SETD3: variants seen among roughly 807,000 people sequenced by gnomAD.
SETD3 encodes the protein actin-histidine N-methyltransferase.
In SETD3, 19 loss-of-function variants were observed where a neutral mutation model predicts 63.0. The ratio of observed to expected loss-of-function variants is 0.30; its 90% confidence interval spans 0.21 to 0.44. The LOEUF is 0.44. Among genes scored for constraint, SETD3 ranks in the 20% least tolerant of loss-of-function variants. The probability of loss-of-function intolerance (pLI) is 1.00; values close to 1 mark genes in which losing one functional copy is unlikely to be tolerated. For missense variants in SETD3, 587 were observed against 728.5 expected (o/e 0.81, Z 2.24); for synonymous variants, 286 against 264.1 (o/e 1.08, Z -0.80).
chr14:99,430,545 A>G (rs542740035), intron 6 of SETD3, among the ~76,000 whole-genome samples: 1 of 152,218 alleles, frequency 6.6e-6, no homozygotes, highest in Non-Finnish European at 1.5e-5. Flanking sequence ...TATTTAATAC[A>G]CCTTTTGACC....
intron 6 of SETD3, among the ~76,000 whole-genome samples, chr14:99,445,298 G>A (rs961730385): frequency 7.2e-5 from 11 of 152,174 alleles, no homozygotes; most frequent in Admixed American, 5.9e-4. Flanking sequence ...CAGCATTTCC[G>A]TTAAGGCAAT....
Position 99,418,727 on chromosome 14 carries a change from T to A in SETD3, c.676-4793A>T, listed in dbSNP as rs578000031. On this transcript the variant is annotated intron_variant, in intron 6 of 12. Transcript: ENST00000331768. ...ACCCCCTTCCTCTTCAAAGCAATAC[T>A]GCACCAATCAGAGAGAGAATGGGAG... Among the ~76,000 whole-genome samples the A allele has an allele frequency of 9.0e-4, 137 of 152,122 alleles. No homozygotes were observed. In the South Asian group the frequency reaches 9.7e-3, roughly 11 times the overall value.
chr14:99,479,221 A>G (rs900892416), intron 1 of SETD3, among the ~76,000 whole-genome samples: 48 of 152,362 alleles, frequency 3.2e-4, no homozygotes, highest in African/African-American at 1.1e-3. Flanking sequence ...GCAGAAGGCT[A>G]AAATCCAAGG....
chr14:99,426,442 G>A (rs963464076), intron 6 of SETD3, among the ~76,000 whole-genome samples: 1 of 152,242 alleles, frequency 6.6e-6, no homozygotes, highest in African/African-American at 2.4e-5. Flanking sequence ...CAAACAGGAA[G>A]GAAGCAACAA....
intron 8 of SETD3, chr14:99,411,968 G>A (rs563714326): frequency 1.3e-5 from 2 of 152,212 alleles, no homozygotes; most frequent in South Asian, 2.1e-4. Flanking sequence ...AGTGTCTGGC[G>A]CACACTACGT....
intron 6 of SETD3, among the ~76,000 whole-genome samples, chr14:99,456,108 T>C (rs1385492123): frequency 6.6e-6 from 1 of 152,212 alleles, no homozygotes; most frequent in Non-Finnish European, 1.5e-5. Context: ...TGAGCCATCA[T>C]CATGCCACTA....
intron 6 of SETD3, chr14:99,444,460 T>C (rs1363590589): frequency 4.6e-5 from 7 of 152,170 alleles, no homozygotes; most frequent in African/African-American, 4.8e-5. Context: ...ACACATTTCA[T>C]AGTTTCAGAT....
At chr14:99,416,715 C>T (rs571402028) in intron 6 of SETD3, among the ~76,000 whole-genome samples, 2 of 152,186 alleles carry the variant, frequency 1.3e-5, no homozygotes, top group Admixed American at 1.3e-4. Flanking sequence ...CAGCCCACAC[C>T]TCCCAGTAAA....
At chr14:99,405,125 TAACACACCAATTA>T (rs1370087287) in intron 10 of SETD3, 67 bp downstream of exon 10, 1 of 1,511,230 alleles carries the variant, frequency 6.6e-7, no homozygotes, top group Non-Finnish European at 8.9e-7. Flanking sequence ...GAAGTTTTAT[TAACACACCAATTA>T]AACACTATGC....
chr14:99,412,733 C>G lies in SETD3; in HGVS notation c.849+218G>C, dbSNP rs1742354. On this transcript the variant is annotated intron_variant, in intron 8 of 12. Transcript: ENST00000331768. The stretch of plus-strand genomic sequence containing the variant: ...TGGCTTTTGAAAATGGTATAAGATT[C>G]AAGCTCCCAGTTTTCAGTATTAGTC... 3,054 of 466,122 alleles carry G rather than the reference C, an allele frequency of 6.6e-3. 77 individuals carry two copies. Among genetic ancestry groups the G allele is most frequent in the African/African-American group, 0.055 (2,769 of 50,434 alleles). 28.9% of individuals were successfully genotyped at this position (466,122 alleles called of 1,614,324 possible).
intron 6 of SETD3, among the ~76,000 whole-genome samples, chr14:99,438,026 T>G (rs568897097): frequency 6.6e-6 from 1 of 152,234 alleles, no homozygotes; most frequent in East Asian, 1.9e-4. Context: ...TCAAAGCCGA[T>G]GGCAGCATTT....
upstream of SETD3, chr14:99,481,012 C>G (rs958017114): frequency 6.9e-5 from 11 of 158,938 alleles, no homozygotes; most frequent in African/African-American, 2.6e-4. Flanking sequence ...GGGTCCTCCC[C>G]AGCCAGTGGG....
chr14:99,444,726 G>T (rs1053093293), intron 6 of SETD3, among the ~76,000 whole-genome samples: 13 of 152,066 alleles, frequency 8.5e-5, no homozygotes, highest in Non-Finnish European at 1.8e-4. Context: ...TGGGCATGGT[G>T]GTGCACGCTG....
chr14:99,481,439 G>T (rs774301183), upstream of SETD3: 8 of 398,730 alleles, frequency 2.0e-5, no homozygotes, highest in Middle Eastern at 1.9e-3. Context: ...GCCGCAGTCG[G>T]CAAGGAGAGA....
At chr14:99,418,242 C>T (rs1170841889) in intron 6 of SETD3, among the ~76,000 whole-genome samples, 3 of 152,094 alleles carry the variant, frequency 2.0e-5, no homozygotes, top group African/African-American at 7.2e-5. Flanking sequence ...AGAAGTTGCA[C>T]CTAGCTTGTT....
intron 6 of SETD3, 120 bp from the exon 7 acceptor site, chr14:99,414,054 G>C: frequency 1.1e-6 from 1 of 910,888 alleles, no homozygotes; most frequent in Non-Finnish European, 1.8e-6. Flanking sequence ...AAATGAAGCA[G>C]GCGGCGTCCA....
In SETD3 at chr14:99,400,106, G is replaced by A. The variant is rs751316395; in HGVS notation, c.1331C>T (p.Thr444Ile). Reference sequence around the variant, plus strand: ...TTTATTTAGTGTAATTACCTCAATAGTTGTTTTATATGTTTTTAAAAGAAG... The same window carrying A: ...TTTATTTAGTGTAATTACCTCAATAATTGTTTTATATGTTTTTAAAAGAAG... ...ASLLLKTYKT[T>I]IEEDKSVLKN... The change falls in exon 12 of 13, where the codon ACT becomes ATT. Residue 444 changes from threonine (T) to isoleucine (I), a missense_variant. Thr to Ile is a moderately conservative substitution (Grantham distance 89). Coordinates refer to ENST00000331768, the MANE Select transcript of SETD3 (RefSeq NM_032233.3). 1.6e-5 allele frequency: 26 copies of A among 1,609,798 alleles called. No individual in the cohort carries two copies. The highest frequency in any genetic ancestry group is 3.3e-4 in the Middle Eastern group (2 of 6,062).
intron 7 of SETD3, chr14:99,413,337 C>T (rs991434770): frequency 4.3e-5 from 15 of 351,796 alleles, no homozygotes; most frequent in African/African-American, 2.1e-4. Flanking sequence ...GGCCCCTTCC[C>T]GGATCTTCGT....
chr14:99,460,668 G>A (rs1895017424), intron 4 of SETD3, among the ~76,000 whole-genome samples: 1 of 152,188 alleles, frequency 6.6e-6, no homozygotes, highest in South Asian at 2.1e-4. Context: ...CCCTTCATGT[G>A]GAAAGAAGAA....
Sources: gnomAD v4.1 joint callset for allele counts (sites outside exome capture counted in the v4.1 genomes callset) on GRCh38, gnomAD v4.1.1 for gene constraint, MANE v1.5 for transcripts, NCBI Gene and HGNC (gene_info 2026-07-23, HGNC 2026-07-21) for gene names.